THSD7B: variants seen among roughly 807,000 people sequenced by gnomAD.
The protein encoded by THSD7B is thrombospondin type 1 domain containing 7B.
In THSD7B, 138 loss-of-function variants were observed where a neutral mutation model predicts 213.6. The ratio of observed to expected loss-of-function variants is 0.65; its 90% CI spans 0.56 to 0.74. The LOEUF is 0.74. Among genes scored for constraint, THSD7B ranks in the 30% least tolerant of loss-of-function variants. THSD7B has a pLI of 0.00. For missense variants in THSD7B, 1,931 were observed against 1,991.5 expected (o/e 0.97, Z 0.58); for synonymous variants, 742 against 687.0 (o/e 1.08, Z -1.25).
At chr2:137,142,448 T>G (rs549019523) in intron 5 of THSD7B, among the ~76,000 whole-genome samples, 1 of 152,090 alleles carries the variant, frequency 6.6e-6, no homozygotes, top group African/African-American at 2.4e-5. Flanking sequence ...AACATTCGTT[T>G]TTGTTGTTGT....
At chr2:137,506,915 C>A (rs1228316580) in intron 15 of THSD7B, among the ~76,000 whole-genome samples, 1 of 152,208 alleles carries the variant, frequency 6.6e-6, no homozygotes, top group Admixed American at 6.5e-5. Flanking sequence ...TTAAACTCTG[C>A]AGACCCACTC....
At chr2:137,001,424 A>G in intron 2 of THSD7B, among the ~76,000 whole-genome samples, 1 of 152,150 alleles carries the variant, frequency 6.6e-6, no homozygotes, top group Non-Finnish European at 1.5e-5. Flanking sequence ...ATGCAAGGAA[A>G]GGTTCAATAA....
At chr2:137,419,247 G>C (rs11899445) in intron 14 of THSD7B, among the ~76,000 whole-genome samples, 9,306 of 151,270 alleles carry the variant, frequency 0.062, 920 homozygotes, top group African/African-American at 0.21. Flanking sequence ...TGGCCCCTTT[G>C]CCAGCTTTGC....
chr2:137,259,796 G>A (rs1161627830), intron 10 of THSD7B, among the ~76,000 whole-genome samples: 1 of 152,114 alleles, frequency 6.6e-6, no homozygotes, highest in Non-Finnish European at 1.5e-5. Flanking sequence ...AATTTCTTTT[G>A]TTTGGTTGTA....
intron 7 of THSD7B, among the ~76,000 whole-genome samples, chr2:137,173,047 T>C (rs1334859614): frequency 6.6e-6 from 1 of 152,168 alleles, no homozygotes; most frequent in Non-Finnish European, 1.5e-5. Flanking sequence ...TTCTTTCAGC[T>C]GCCAAGTGGG....
chr2:137,515,920 T>C lies in THSD7B; in HGVS notation c.3139-47301T>C, dbSNP rs144411027. ...AAGATATATCCTTGACCAATACTTATGAAATAGATTTGTGATGGCAGCACC... is the reference window on the plus strand; with the variant it reads ...AAGATATATCCTTGACCAATACTTACGAAATAGATTTGTGATGGCAGCACC... On this transcript the variant is annotated intron_variant, in intron 15 of 27. Coordinates refer to ENST00000409968, the MANE Select transcript of THSD7B (RefSeq NM_001316349.2). 9.2e-5 allele frequency among the ~76,000 whole-genome samples: 14 copies of C among 152,312 alleles called. 1 individual carries two copies. In the East Asian group the frequency reaches 1.4e-3, roughly 15 times the overall value.
chr2:137,436,568 T>C (rs1234035703), intron 14 of THSD7B, among the ~76,000 whole-genome samples: 1 of 152,172 alleles, frequency 6.6e-6, no homozygotes, highest in Non-Finnish European at 1.5e-5. Context: ...TATTTAGCAT[T>C]TTACATTTAT....
intron 10 of THSD7B, among the ~76,000 whole-genome samples, chr2:137,253,799 G>A (rs2105075821): frequency 6.6e-6 from 1 of 152,058 alleles, no homozygotes. Flanking sequence ...GTTATTTTTT[G>A]CTTCCTTGGC....
chr2:137,325,594 C>G (rs1171331088), intron 12 of THSD7B, among the ~76,000 whole-genome samples: 1 of 152,148 alleles, frequency 6.6e-6, no homozygotes, highest in Non-Finnish European at 1.5e-5. Flanking sequence ...CACACACACA[C>G]AGACACACAA....
intron 2 of THSD7B, among the ~76,000 whole-genome samples, chr2:136,884,009 A>G (rs1382009565): frequency 2.6e-5 from 4 of 152,332 alleles, no homozygotes; most frequent in African/African-American, 9.6e-5. Flanking sequence ...GAAATCTAAA[A>G]GGTACAAAAT....
intron 5 of THSD7B, among the ~76,000 whole-genome samples, chr2:137,143,355 G>A (rs1679630321): frequency 6.6e-6 from 1 of 152,050 alleles, no homozygotes; most frequent in African/African-American, 2.4e-5. Flanking sequence ...CTCTTCTCTG[G>A]GACTTTTTAA....
chr2:136,874,661 G>T (rs1158560179), intron 1 of THSD7B, among the ~76,000 whole-genome samples: 1 of 152,192 alleles, frequency 6.6e-6, no homozygotes, highest in Non-Finnish European at 1.5e-5. Flanking sequence ...TGAAGTGTGA[G>T]GCACTTTTTT....
At chr2:136,775,936 A>T (rs189226658) in intron 1 of THSD7B, among the ~76,000 whole-genome samples, 1 of 152,230 alleles carries the variant, frequency 6.6e-6, no homozygotes, top group East Asian at 1.9e-4. Context: ...TGACAGATTA[A>T]CATAATTCTT....
At chr2:137,675,950 G>A (rs540204712) in intron 27 of THSD7B, among the ~76,000 whole-genome samples, 1 of 152,348 alleles carries the variant, frequency 6.6e-6, no homozygotes, top group South Asian at 2.1e-4. Context: ...GTTAACTTAA[G>A]CTTTTCTCTC....
At chr2:137,077,683 T>TG (rs1376073476) in intron 3 of THSD7B, among the ~76,000 whole-genome samples, 1 of 151,840 alleles carries the variant, frequency 6.6e-6, no homozygotes, top group Non-Finnish European at 1.5e-5. Flanking sequence ...TTTGTTTTTT[T>TG]CTTGTAAATT....
intron 12 of THSD7B, among the ~76,000 whole-genome samples, chr2:137,329,432 C>A (rs1382030436): frequency 6.6e-6 from 1 of 152,130 alleles, no homozygotes; most frequent in African/African-American, 2.4e-5. Context: ...GTGGCATGAT[C>A]TCAGCTCACT....
chr2:136,777,359 TC>T (rs1210211588), intron 1 of THSD7B, among the ~76,000 whole-genome samples: 1 of 152,156 alleles, frequency 6.6e-6, no homozygotes, highest in Non-Finnish European at 1.5e-5. Context: ...TCTCTTGCCC[TC>T]CTTTCAAATT....
At chr2:137,169,357 A>G (rs1185741148) in intron 6 of THSD7B, among the ~76,000 whole-genome samples, 2 of 150,340 alleles carry the variant, frequency 1.3e-5, no homozygotes, top group Admixed American at 6.6e-5. Context: ...TCAAAACCAC[A>G]TGTTCATTGT....
chr2:137,477,753 T>A (rs1244256931), intron 15 of THSD7B, among the ~76,000 whole-genome samples: 2 of 152,126 alleles, frequency 1.3e-5, no homozygotes, highest in African/African-American at 4.8e-5. Flanking sequence ...CTCTTAAGCA[T>A]TTCTGGTACA....
Sources: allele counts gnomAD v4.1 joint callset (sites outside exome capture counted in the v4.1 genomes callset), GRCh38; gene constraint gnomAD v4.1.1; transcripts MANE v1.5; gene names NCBI Gene and HGNC (gene_info 2026-07-23, HGNC 2026-07-21).